Variants in MYO5B observed in about 807,000 individuals in gnomAD.
MYO5B encodes unconventional myosin-Vb.
MYO5B carries 143 observed loss-of-function variants against 229.3 expected under a neutral mutation model. The observed-to-expected ratio is 0.62, with a 90% CI of 0.54 to 0.72. The LOEUF (loss-of-function observed/expected upper bound fraction) is 0.72. Ranked by LOEUF, MYO5B falls within the 30% of genes least tolerant of loss-of-function variation. The pLI, the probability that MYO5B is intolerant of heterozygous loss-of-function variation, is 0.00. For synonymous variants in MYO5B, 918 were observed against 885.2 expected (o/e 1.04, Z -0.66); for missense variants, 2,321 against 2,331.0 (o/e 1.00, Z 0.09).
chr18:49,889,927 C>T (rs1254251391), intron 22 of MYO5B, among the ~76,000 whole-genome samples: 1 of 152,192 alleles, frequency 6.6e-6, no homozygotes, highest in Non-Finnish European at 1.5e-5. Flanking sequence ...CCCTCTGTCT[C>T]CCTCTTTGAT....
chr18:50,121,245 C>T (rs1056273690), intron 1 of MYO5B, among the ~76,000 whole-genome samples: 2 of 152,182 alleles, frequency 1.3e-5, no homozygotes, highest in South Asian at 4.1e-4. Flanking sequence ...CCAAAGCTTG[C>T]GTTATCTGTC....
chr18:50,172,367 T>C (rs555300435), intron 1 of MYO5B, among the ~76,000 whole-genome samples: 2 of 151,864 alleles, frequency 1.3e-5, no homozygotes, highest in East Asian at 3.9e-4. Context: ...GTTTTTTCTC[T>C]TATACGATGG....
chr18:50,187,788 A>C (rs930343920), intron 1 of MYO5B, among the ~76,000 whole-genome samples: 3 of 152,138 alleles, frequency 2.0e-5, no homozygotes, highest in Non-Finnish European at 2.9e-5. Context: ...AAGTGCTAGG[A>C]TTACAGGTGT....
intron 1 of MYO5B, among the ~76,000 whole-genome samples, chr18:50,182,787 C>T (rs1482511576): frequency 1.3e-5 from 2 of 152,148 alleles, no homozygotes; most frequent in Non-Finnish European, 2.9e-5. Flanking sequence ...AAGGTGGCTC[C>T]TTGGTGAGGA....
At chr18:50,181,269 T>C (rs921394045) in intron 1 of MYO5B, among the ~76,000 whole-genome samples, 1 of 152,206 alleles carries the variant, frequency 6.6e-6, no homozygotes, top group African/African-American at 2.4e-5. Flanking sequence ...CTTTAAATTG[T>C]TAACCAAACA....
intron 21 of MYO5B, 21 bp from the exon 22 acceptor site, chr18:49,895,195 C>A: frequency 6.3e-7 from 1 of 1,594,366 alleles, no homozygotes; most frequent in Non-Finnish European, 8.6e-7. Context: ...CATCAGCAAA[C>A]AAGGAGAAGG....
intron 5 of MYO5B, 148 bp downstream of exon 5, chr18:50,001,107 G>C: frequency 1.0e-6 from 1 of 997,066 alleles, no homozygotes; most frequent in East Asian, 2.4e-5. Context: ...CATGGTTTTA[G>C]AGGCAGCTTG....
intron 38 of MYO5B, 130 bp downstream of exon 38, chr18:49,836,581 A>G: frequency 9.3e-7 from 1 of 1,073,594 alleles, no homozygotes; most frequent in Non-Finnish European, 1.4e-6. Context: ...GCACTTCAAA[A>G]TTGTCTCATT....
chr18:49,938,400 T>C (rs772879646), intron 14 of MYO5B, among the ~76,000 whole-genome samples: 20 of 151,960 alleles, frequency 1.3e-4, no homozygotes, highest in Non-Finnish European at 2.2e-4. Context: ...ATGCTGGGGC[T>C]AGAATAAAGT....
intron 4 of MYO5B, among the ~76,000 whole-genome samples, chr18:50,001,646 C>T (rs764339740): frequency 6.6e-6 from 1 of 152,158 alleles, no homozygotes; most frequent in Non-Finnish European, 1.5e-5. Context: ...TGGCCTAGAG[C>T]GAGAGTGGTG....
intron 31 of MYO5B, chr18:49,851,031 G>C (rs1034237413): frequency 5.9e-5 from 9 of 152,198 alleles, no homozygotes; most frequent in African/African-American, 2.2e-4. Flanking sequence ...AAATCCACAA[G>C]ATAAAGCATT....
intron 1 of MYO5B, among the ~76,000 whole-genome samples, chr18:50,115,893 C>T (rs189733278): frequency 5.7e-4 from 87 of 152,164 alleles, no homozygotes; most frequent in African/African-American, 2.1e-3. Context: ...TTAATGGCTG[C>T]TTGCCTTCTA....
Position 50,036,891 on chromosome 18 carries a change from G to A in MYO5B, c.414C>T (p.His138=), listed in dbSNP as rs1342103954. The A allele has an allele frequency of 1.2e-6, 2 of 1,614,172 alleles. No homozygotes were observed. Among genetic ancestry groups the A allele is most frequent in the South Asian group, 1.1e-5 (1 of 91,088 alleles). ...SGQNMGDMDP[H]IFAVAEEAYK... is the part of the protein sequence containing the mutation. Reference sequence around the variant, plus strand: ...AGGCTTCTTCTGCCACAGCAAAGATGTGGGGGTCCATGTCTCCCATGTTTT... The same window carrying A: ...AGGCTTCTTCTGCCACAGCAAAGATATGGGGGTCCATGTCTCCCATGTTTT... The change falls in exon 4 of 40, where the codon CAC becomes CAT. Residue 138 remains histidine, a synonymous_variant. Coordinates refer to ENST00000285039, the MANE Select transcript of MYO5B (RefSeq NM_001080467.3).
chr18:50,148,963 G>A (rs1456401208), intron 1 of MYO5B, among the ~76,000 whole-genome samples: 1 of 151,978 alleles, frequency 6.6e-6, no homozygotes, highest in African/African-American at 2.4e-5. Context: ...ATCTCCTTAA[G>A]CTGATAAGCA....
intron 1 of MYO5B, among the ~76,000 whole-genome samples, chr18:50,147,852 T>C (rs1447969209): frequency 6.6e-6 from 1 of 152,104 alleles, no homozygotes; most frequent in Admixed American, 6.6e-5. Flanking sequence ...AATCCTGGGA[T>C]CCTGTGAGGT....
chr18:49,936,294 T>C lies in MYO5B; in HGVS notation c.1961A>G (p.Tyr654Cys). ...METLNATTPH[Y>C]VRCIKPNDEK... ...ATCGTTGGGCTTGATGCAGCGGACA[T>C]AGTGAGGTGTCGTGGCATTCAGGGT... The change falls in exon 16 of 40, where the codon TAT becomes TGT. Residue 654 changes from tyrosine to cysteine, a missense_variant. This residue lies in a region of MYO5B where 2,113 missense variants were observed against 2,044.7 expected (regional missense o/e 1.03). Transcript: ENST00000285039. 6.2e-7 allele frequency: 1 copy of C among 1,604,330 alleles called. No individual in the cohort carries two copies. The highest frequency in any genetic ancestry group is 8.5e-7 in the Non-Finnish European group (1 of 1,174,936).
chr18:50,158,786 G>A (rs1037266185), intron 1 of MYO5B, among the ~76,000 whole-genome samples: 6 of 152,126 alleles, frequency 3.9e-5, no homozygotes, highest in Admixed American at 2.6e-4. Context: ...CTAAGGAGCC[G>A]GTGTTCTCTG....
intron 3 of MYO5B, 74 bp downstream of exon 3, chr18:50,040,069 G>A: frequency 1.4e-6 from 2 of 1,481,008 alleles, no homozygotes; most frequent in Non-Finnish European, 1.9e-6. Flanking sequence ...GGACTCCTAA[G>A]CATTTGAGTT....
At chr18:49,851,485 T>C (rs1326445882) in intron 31 of MYO5B, among the ~76,000 whole-genome samples, 1 of 152,186 alleles carries the variant, frequency 6.6e-6, no homozygotes, top group African/African-American at 2.4e-5. Flanking sequence ...AAAGGGAACA[T>C]AGTGCTGGCC....
Sources: gnomAD v4.1 joint callset for allele counts (sites outside exome capture counted in the v4.1 genomes callset) on GRCh38, gnomAD v4.1.1 for gene constraint, gnomAD v4.1.1 regional missense constraint, MANE v1.5 for transcripts, NCBI Gene and HGNC (gene_info 2026-07-23, HGNC 2026-07-21) for gene names.